The following OPRM1 variants were observed in gnomAD, a reference collection of about 807,000 sequenced individuals.
The protein encoded by OPRM1 is mu-type opioid receptor.
Under a neutral mutation model 31.8 loss-of-function variants are expected in OPRM1, and 27 were observed. That is an observed-to-expected ratio of 0.85 (90% CI 0.63 to 1.17). The LOEUF (loss-of-function observed/expected upper bound fraction) is 1.17. Ranked by LOEUF, OPRM1 falls within the 50% of genes most tolerant of loss-of-function variation. The probability of loss-of-function intolerance (pLI) is 0.00; values close to 1 mark genes in which losing one functional copy is unlikely to be tolerated. For synonymous variants in OPRM1, 196 were observed against 189.9 expected, an observed-to-expected ratio of 1.03 and a Z score of -0.26; for missense variants, 536 against 511.1, an observed-to-expected ratio of 1.05 and a Z score of -0.47.
At chr6:154,044,519 T>G (rs1780712732) in intron 1 of OPRM1, among the ~76,000 whole-genome samples, 1 of 152,160 alleles carries the variant, frequency 6.6e-6, no homozygotes, top group Non-Finnish European at 1.5e-5. Flanking sequence ...TTAACTGATC[T>G]TATTTTTTTT....
At chr6:154,167,873 C>T (rs1306039504) in intron 3 of OPRM1, 1 of 1,415,576 alleles carries the variant, frequency 7.1e-7, no homozygotes, top group African/African-American at 1.4e-5. Context: ...CCAGCCGTTC[C>T]TTGCCCCACA....
Position 154,127,513 on chromosome 6 carries a change from C to CA in OPRM1, c.*8793dup, listed in dbSNP as rs1176375952. The stretch of plus-strand genomic sequence containing the variant: ...TGAAATGTTTGTCATCACACAGATA[C>CA]ACGCTCAGGATAAGAACTACCAGAC... On this transcript the variant is annotated 3_prime_UTR_variant, in exon 4 of 4. Coordinates refer to ENST00000330432, the MANE Select transcript of OPRM1 (RefSeq NM_000914.5). Among the ~76,000 whole-genome samples the CA allele has an allele frequency of 6.6e-6, 1 of 152,150 alleles. No individual in the cohort carries two copies. The highest frequency in any genetic ancestry group is 1.9e-4 in the East Asian group (1 of 5,186).
intron 1 of OPRM1, among the ~76,000 whole-genome samples, chr6:154,031,405 T>C (rs1030631907): frequency 6.6e-6 from 1 of 152,158 alleles, no homozygotes; most frequent in African/African-American, 2.4e-5. Flanking sequence ...TGCCAGTCTA[T>C]AATGTCAACA....
chr6:154,091,680 T>C (rs1312254699), intron 3 of OPRM1: 1 of 1,334,760 alleles, frequency 7.5e-7, no homozygotes, highest in African/African-American at 1.5e-5. Flanking sequence ...GGTATAAAGA[T>C]ACACCAATGA....
chr6:154,049,741 T>C (rs1781838692), intron 1 of OPRM1, among the ~76,000 whole-genome samples: 1 of 152,182 alleles, frequency 6.6e-6, no homozygotes, highest in Admixed American at 6.5e-5. Context: ...TGGATTCCCA[T>C]ATAACTCACT....
chr6:154,174,458 A>C (rs1257533179), intron 3 of OPRM1, among the ~76,000 whole-genome samples: 1 of 152,176 alleles, frequency 6.6e-6, no homozygotes, highest in Non-Finnish European at 1.5e-5. Flanking sequence ...CAGGCTCAAA[A>C]TAAAGGGAAG....
rs1360734115 is a variant in OPRM1 at position 154,152,390 on chromosome 6, A to AAGAAAGAAAGAAAGAGAG, written c.1164+60921_1164+60922insAAGAAAGAAAGAGAGAGA. On this transcript the variant is annotated intron_variant, in intron 3 of 3. Coordinates refer to the OPRM1 transcript ENST00000337049. ...AAAGAAAGAAAGAAAGAAAGAAAGA[A>AAGAAAGAAAGAAAGAGAG]AGAGAAATAGTGTTCAGGTTGTGGT... Among the ~76,000 whole-genome samples, 126 of 126,248 alleles carry AAGAAAGAAAGAAAGAGAG rather than the reference A, an allele frequency of 1.0e-3. 2 individuals are homozygous for AAGAAAGAAAGAAAGAGAG. The highest frequency in any genetic ancestry group is 4.3e-3 in the Middle Eastern group (1 of 232). 82.8% of individuals were successfully genotyped at this position (126,248 alleles called of 152,430 possible). A position where few individuals can be genotyped will look rare whatever the true frequency, so the allele number is the denominator to read the frequency against.
At chr6:154,101,788 TAG>T (rs1344006100) in intron 3 of OPRM1, among the ~76,000 whole-genome samples, 1 of 152,168 alleles carries the variant, frequency 6.6e-6, no homozygotes, top group Non-Finnish European at 1.5e-5. Context: ...AGTTTTCAAA[TAG>T]AGTTTAAGAA....
chr6:154,204,212 TG>T (rs1777300880), intron 3 of OPRM1, among the ~76,000 whole-genome samples: 1 of 152,232 alleles, frequency 6.6e-6, no homozygotes, highest in South Asian at 2.1e-4. Flanking sequence ...ATCATTCAAA[TG>T]TTAGCCCTAA....
At chr6:154,142,668 C>A (rs1287975195) in intron 3 of OPRM1, among the ~76,000 whole-genome samples, 1 of 152,196 alleles carries the variant, frequency 6.6e-6, no homozygotes, top group Admixed American at 6.5e-5. Context: ...TCCTTTCTTT[C>A]ATTCCTGCTC....
chr6:154,242,863 G>C (rs950697201), intron 3 of OPRM1, among the ~76,000 whole-genome samples: 44 of 148,068 alleles, frequency 3.0e-4, no homozygotes, highest in African/African-American at 1.1e-3. Context: ...ACTCCAGCCT[G>C]GGCCATAGAG....
rs888614007 is a variant in OPRM1 at position 154,104,829 on chromosome 6, A to T, written c.1164+13357A>T. Among the ~76,000 whole-genome samples, 24 of 152,322 alleles carry T rather than the reference A, an allele frequency of 1.6e-4. 1 individual carries two copies. Among genetic ancestry groups the T allele is most frequent in the Admixed American group, 1.2e-3 (19 of 15,300 alleles). On this transcript the variant is annotated intron_variant, in intron 3 of 3. Coordinates refer to ENST00000330432, the MANE Select transcript of OPRM1 (RefSeq NM_000914.5). ...AAGGAATTTCAGGTAAGATCTTTTT[A>T]AGCCAAGCCCAGCCATGGGTTTGTA...
At chr6:154,053,967 A>T (rs1235058864) in intron 1 of OPRM1, among the ~76,000 whole-genome samples, 1 of 152,218 alleles carries the variant, frequency 6.6e-6, no homozygotes, top group Non-Finnish European at 1.5e-5. Context: ...CTCATGGAAC[A>T]TCAGAGCCAT....
At chr6:154,215,436 A>C (rs1173015186) in intron 3 of OPRM1, among the ~76,000 whole-genome samples, 1 of 151,944 alleles carries the variant, frequency 6.6e-6, no homozygotes, top group Non-Finnish European at 1.5e-5. Flanking sequence ...AAACCCCGTC[A>C]CTACTTAAAA....
At chr6:154,225,069 T>C (rs983893887) in intron 3 of OPRM1, among the ~76,000 whole-genome samples, 4 of 152,198 alleles carry the variant, frequency 2.6e-5, no homozygotes, top group Admixed American at 6.5e-5. Context: ...TTTGAAATGC[T>C]TGGGGACTGG....
intron 3 of OPRM1, among the ~76,000 whole-genome samples, chr6:154,145,075 GA>G (rs36121522): frequency 0.6 from 91,742 of 151,828 alleles, 27,913 homozygotes; most frequent in Middle Eastern, 0.67. Flanking sequence ...CTAAACACTG[GA>G]AACAAAGCAA....
At chr6:154,167,792 A>G in intron 3 of OPRM1, 1 of 647,464 alleles carries the variant, frequency 1.5e-6, no homozygotes, top group East Asian at 2.7e-5. Flanking sequence ...TATAAAGGTT[A>G]TATTTACTTT....
At chr6:154,246,809 A>G in exon 4 of OPRM1, 1 of 1,591,426 alleles carries the variant, frequency 6.3e-7, no homozygotes, top group Non-Finnish European at 8.6e-7. Context: ...CTGATTTGGT[A>G]GGTAAAGTAT....
At chr6:154,221,426 T>C (rs1778849455) in intron 3 of OPRM1, 4 of 888,890 alleles carry the variant, frequency 4.5e-6, no homozygotes, top group Admixed American at 5.0e-5. Flanking sequence ...TGTAAACTTG[T>C]CTGCTTTCTT....
Sources: allele counts gnomAD v4.1 joint callset (sites outside exome capture counted in the v4.1 genomes callset), GRCh38; gene constraint gnomAD v4.1.1; transcripts MANE v1.5; gene names NCBI Gene and HGNC (gene_info 2026-07-23, HGNC 2026-07-21).